Variants in PTPRD observed in about 807,000 individuals in gnomAD.
PTPRD encodes the protein protein tyrosine phosphatase receptor type D, also known as receptor-type tyrosine-protein phosphatase delta.
PTPRD carries 34 observed loss-of-function variants against 214.5 expected under a neutral mutation model. The ratio of observed to expected loss-of-function variants is 0.16; its 90% CI spans 0.12 to 0.21. PTPRD has a LOEUF of 0.21. Among genes scored for constraint, PTPRD ranks in the 10% least tolerant of loss-of-function variants. The pLI is 1.00. For synonymous variants in PTPRD, 1,128 were observed against 845.7 expected (o/e 1.33, Z -5.79); for missense variants, 2,545 against 2,398.7 (o/e 1.06, Z -1.27).
intron 5 of PTPRD, among the ~76,000 whole-genome samples, chr9:9,767,771 A>G (rs956218389): frequency 1.3e-5 from 2 of 152,158 alleles, no homozygotes; most frequent in Non-Finnish European, 2.9e-5. Context: ...AAAAAAATAG[A>G]AGTATAAGCA....
chr9:9,964,623 TTC>T (rs1179133740), intron 4 of PTPRD, among the ~76,000 whole-genome samples: 2 of 152,202 alleles, frequency 1.3e-5, no homozygotes, highest in Non-Finnish European at 2.9e-5. Context: ...AGGTTTGATT[TTC>T]TTTTTAGTTT....
intron 2 of PTPRD, among the ~76,000 whole-genome samples, chr9:10,386,905 A>T (rs936687513): frequency 1.3e-5 from 2 of 151,688 alleles, no homozygotes; most frequent in African/African-American, 4.8e-5. Flanking sequence ...CTCAGGTCCA[A>T]TGTAATCCCA....
intron 7 of PTPRD, among the ~76,000 whole-genome samples, chr9:9,694,806 C>G (rs2154406621): frequency 6.6e-6 from 1 of 152,204 alleles, no homozygotes; most frequent in African/African-American, 2.4e-5. Context: ...ACAAAGCACT[C>G]TTCTATTGGC....
chr9:9,545,283 A>T (rs140477169), intron 8 of PTPRD, among the ~76,000 whole-genome samples: 2,503 of 151,794 alleles, frequency 0.016, 39 homozygotes, highest in Admixed American at 0.026. Flanking sequence ...TGTGCTAAAA[A>T]TCCTCTGTGC....
intron 9 of PTPRD, among the ~76,000 whole-genome samples, chr9:9,390,524 A>G (rs1324093464): frequency 6.6e-6 from 1 of 152,190 alleles, no homozygotes; most frequent in South Asian, 2.1e-4. Context: ...ATAAAAGATA[A>G]GAGAGTAAGA....
At chr9:9,649,002 A>T (rs1029645945) in intron 7 of PTPRD, among the ~76,000 whole-genome samples, 2 of 152,154 alleles carry the variant, frequency 1.3e-5, no homozygotes, top group Non-Finnish European at 2.9e-5. Flanking sequence ...CTGGGAAACC[A>T]AGCAGAGGGG....
chr9:9,811,551 TAAA>T (rs1421431817), intron 5 of PTPRD, among the ~76,000 whole-genome samples: 1 of 151,682 alleles, frequency 6.6e-6, no homozygotes. Flanking sequence ...ACTAAAAATA[TAAA>T]AAATTAGCCA....
intron 9 of PTPRD, among the ~76,000 whole-genome samples, chr9:9,380,290 A>T (rs1190065205): frequency 6.6e-6 from 1 of 152,098 alleles, no homozygotes; most frequent in Non-Finnish European, 1.5e-5. Context: ...TTATTTCAAA[A>T]TATATTTAAA....
chr9:9,845,422 C>T (rs908601519), intron 5 of PTPRD, among the ~76,000 whole-genome samples: 1 of 151,546 alleles, frequency 6.6e-6, no homozygotes, highest in Non-Finnish European at 1.5e-5. Context: ...ATAGATTAGA[C>T]CTAGTGATCT....
intron 7 of PTPRD, among the ~76,000 whole-genome samples, chr9:9,716,566 T>C (rs545682720): frequency 1.3e-5 from 2 of 152,332 alleles, no homozygotes; most frequent in South Asian, 4.1e-4. Flanking sequence ...TGAGATTGTA[T>C]CTCATTGTGG....
intron 3 of PTPRD, among the ~76,000 whole-genome samples, chr9:10,039,891 C>T (rs1589508451): frequency 6.6e-6 from 1 of 152,056 alleles, no homozygotes; most frequent in African/African-American, 2.4e-5. Flanking sequence ...TATGAGACAT[C>T]TATGATTTAA....
chr9:9,237,168 T>G (rs2099967353), intron 9 of PTPRD, among the ~76,000 whole-genome samples: 1 of 152,324 alleles, frequency 6.6e-6, no homozygotes. Context: ...GTTGGAAACC[T>G]GATTCCTGAT....
At chr9:9,419,142 C>CACACACAT (rs2142351945) in intron 8 of PTPRD, among the ~76,000 whole-genome samples, 1 of 150,650 alleles carries the variant, frequency 6.6e-6, no homozygotes, top group African/African-American at 2.4e-5. Flanking sequence ...CACACACACA[C>CACACACAT]ACACACACAC....
chr9:10,460,054 C>A (rs73390370), intron 2 of PTPRD, among the ~76,000 whole-genome samples: 1 of 151,802 alleles, frequency 6.6e-6, no homozygotes. Flanking sequence ...AGATGGATGG[C>A]GGTGATGGTT....
chr9:9,234,421 G>C (rs1201129592), intron 9 of PTPRD, among the ~76,000 whole-genome samples: 3 of 152,126 alleles, frequency 2.0e-5, no homozygotes, highest in Non-Finnish European at 2.9e-5. Flanking sequence ...TGCTGTGAAG[G>C]TCTTTAACAT....
chr9:9,723,977 C>A (rs2098024292), intron 7 of PTPRD, among the ~76,000 whole-genome samples: 2 of 151,978 alleles, frequency 1.3e-5, no homozygotes, highest in Non-Finnish European at 2.9e-5. Flanking sequence ...CAATGTGGAT[C>A]CTTTTTATTT....
intron 44 of PTPRD, among the ~76,000 whole-genome samples, chr9:8,331,359 A>AT (rs906627105): frequency 5.3e-5 from 8 of 152,066 alleles, no homozygotes; most frequent in South Asian, 2.1e-4. Context: ...TAGGAAGCAA[A>AT]TTTTTTGGGG....
intron 7 of PTPRD, among the ~76,000 whole-genome samples, chr9:9,597,275 G>T (rs978740790): frequency 6.6e-6 from 1 of 151,914 alleles, no homozygotes; most frequent in Non-Finnish European, 1.5e-5. Flanking sequence ...AAGGGAAAAA[G>T]ACATACATTT....
chr9:9,684,422 C>G (rs917456820), intron 7 of PTPRD, among the ~76,000 whole-genome samples: 1 of 151,438 alleles, frequency 6.6e-6, no homozygotes, highest in Non-Finnish European at 1.5e-5. Flanking sequence ...CAGATTAGTT[C>G]GACTCTAAAA....
Sources: allele counts gnomAD v4.1 joint callset (sites outside exome capture counted in the v4.1 genomes callset), GRCh38; gene constraint gnomAD v4.1.1; transcripts MANE v1.5; gene names NCBI Gene and HGNC (gene_info 2026-07-23, HGNC 2026-07-21).